The following KCNH8 variants were observed in gnomAD, a reference collection of about 807,000 sequenced individuals.
KCNH8 encodes the protein voltage-gated delayed rectifier potassium channel KCNH8.
KCNH8 carries 70 observed loss-of-function variants against 103.6 expected under a neutral mutation model. That is an observed-to-expected ratio of 0.68 (90% CI 0.56 to 0.82). KCNH8 has a LOEUF of 0.82. Among genes scored for constraint, KCNH8 ranks in the 40% least tolerant of loss-of-function variants. KCNH8 has a pLI of 0.00. For missense variants in KCNH8, 1,217 were observed against 1,329.9 expected (o/e 0.92, Z 1.32); for synonymous variants, 498 against 489.4 (o/e 1.02, Z -0.23).
At chr3:19,440,766 C>A (rs571249210) in intron 8 of KCNH8, among the ~76,000 whole-genome samples, 13 of 152,028 alleles carry the variant, frequency 8.6e-5, no homozygotes, top group African/African-American at 2.9e-4. Context: ...AAATAGTGAA[C>A]ATTTATTAGT....
intron 7 of KCNH8, among the ~76,000 whole-genome samples, chr3:19,413,045 A>C (rs973019078): frequency 6.6e-6 from 1 of 152,104 alleles, no homozygotes; most frequent in Non-Finnish European, 1.5e-5. Flanking sequence ...AATCATTTCT[A>C]TCCGAAATAC....
intron 5 of KCNH8, among the ~76,000 whole-genome samples, chr3:19,351,733 A>G (rs370479365): frequency 3.3e-5 from 5 of 152,108 alleles, no homozygotes; most frequent in Non-Finnish European, 7.4e-5. Context: ...GCTCCTGAAG[A>G]AAGCACTAAA....
intron 1 of KCNH8, among the ~76,000 whole-genome samples, chr3:19,170,104 C>T (rs193261137): frequency 9.9e-5 from 15 of 152,264 alleles, no homozygotes; most frequent in African/African-American, 2.9e-4. Context: ...GTTAATATTT[C>T]ATGCTATCAA....
At chr3:19,337,832 T>G (rs2065604331) in intron 3 of KCNH8, among the ~76,000 whole-genome samples, 1 of 152,218 alleles carries the variant, frequency 6.6e-6, no homozygotes, top group Admixed American at 6.6e-5. Flanking sequence ...TTTCTTCTTT[T>G]GAAAACTCAA....
chr3:19,256,423 A>G (rs1454743999), intron 2 of KCNH8, among the ~76,000 whole-genome samples: 1 of 152,124 alleles, frequency 6.6e-6, no homozygotes, highest in Non-Finnish European at 1.5e-5. Flanking sequence ...TAATTATACC[A>G]TAATCATTGA....
chr3:19,263,877 G>A (rs923832746), intron 2 of KCNH8, among the ~76,000 whole-genome samples: 2 of 151,972 alleles, frequency 1.3e-5, no homozygotes, highest in Non-Finnish European at 2.9e-5. Context: ...AGAGCATTTG[G>A]TTCTGAAGCT....
chr3:19,253,526 A>G (rs1469914288), intron 1 of KCNH8, 128 bp from the exon 2 acceptor site: 2 of 719,992 alleles, frequency 2.8e-6, no homozygotes, highest in Non-Finnish European at 4.8e-6. Flanking sequence ...TCTCTTTTCC[A>G]CTGCAGCACA....
intron 2 of KCNH8, among the ~76,000 whole-genome samples, chr3:19,266,085 A>G (rs1347688749): frequency 6.6e-6 from 1 of 152,090 alleles, no homozygotes; most frequent in Admixed American, 6.6e-5. Flanking sequence ...CCAAGTGTGC[A>G]TCTCCACAAA....
At chr3:19,359,332 A>G (rs1438003307) in intron 5 of KCNH8, among the ~76,000 whole-genome samples, 2 of 151,550 alleles carry the variant, frequency 1.3e-5, no homozygotes, top group Non-Finnish European at 2.9e-5. Context: ...CATAATAAAT[A>G]TATGTACTTA....
At chr3:19,240,275 T>C (rs1302893381) in intron 1 of KCNH8, among the ~76,000 whole-genome samples, 3 of 152,176 alleles carry the variant, frequency 2.0e-5, no homozygotes, top group Non-Finnish European at 4.4e-5. Context: ...ATCCAATTTC[T>C]GCTAACTCCA....
intron 11 of KCNH8, among the ~76,000 whole-genome samples, chr3:19,484,336 ACTTT>A (rs1252551328): frequency 1.3e-5 from 2 of 152,344 alleles, no homozygotes; most frequent in Admixed American, 1.3e-4. Flanking sequence ...AGATTGTTTT[ACTTT>A]CTTGTCTTAC....
At chr3:19,315,001 T>A (rs1484318188) in intron 3 of KCNH8, 1 of 152,926 alleles carries the variant, frequency 6.5e-6, no homozygotes, top group Admixed American at 6.6e-5. Flanking sequence ...AATACTTTAA[T>A]ATCAGGTCAC....
chr3:19,177,256 G>A (rs2063409584), intron 1 of KCNH8, among the ~76,000 whole-genome samples: 1 of 152,080 alleles, frequency 6.6e-6, no homozygotes, highest in African/African-American at 2.4e-5. Flanking sequence ...AGGTGGGAAT[G>A]TGTCAGGTAA....
intron 5 of KCNH8, among the ~76,000 whole-genome samples, chr3:19,381,873 G>C (rs888956824): frequency 6.6e-6 from 1 of 152,040 alleles, no homozygotes; most frequent in Non-Finnish European, 1.5e-5. Context: ...TGGATTAATA[G>C]AATCAATGGA....
intron 1 of KCNH8, among the ~76,000 whole-genome samples, chr3:19,232,812 G>T (rs909650537): frequency 6.6e-6 from 1 of 152,150 alleles, no homozygotes; most frequent in South Asian, 2.1e-4. Flanking sequence ...ATTGGCATGG[G>T]TCACGTGTAG....
chr3:19,530,559 T>C (rs11928523), intron 15 of KCNH8, among the ~76,000 whole-genome samples: 5,145 of 152,286 alleles, frequency 0.034, 290 homozygotes, highest in African/African-American at 0.12. Context: ...TTCCAGTTCT[T>C]ACCCTGAGGC....
At chr3:19,299,725 A>C (rs2065041422) in intron 3 of KCNH8, among the ~76,000 whole-genome samples, 1 of 152,058 alleles carries the variant, frequency 6.6e-6, no homozygotes, top group Non-Finnish European at 1.5e-5. Flanking sequence ...TTCTATTCTA[A>C]TATTTTCCAA....
chr3:19,348,003 A>C (rs932963260), intron 5 of KCNH8, 38 bp downstream of exon 5: 2 of 1,601,868 alleles, frequency 1.2e-6, no homozygotes, highest in African/African-American at 2.7e-5. Flanking sequence ...ATATTTGCAT[A>C]TGAGAAGTGA....
chr3:19,185,641 AAAGATGATTTAC>A (rs1196162975), intron 1 of KCNH8, among the ~76,000 whole-genome samples: 1 of 151,980 alleles, frequency 6.6e-6, no homozygotes, highest in Non-Finnish European at 1.5e-5. Flanking sequence ...GTACTGCTGT[AAAGATGATTTAC>A]AAGAGGACCA....
Sources: gnomAD v4.1 joint callset for allele counts (sites outside exome capture counted in the v4.1 genomes callset) on GRCh38, gnomAD v4.1.1 for gene constraint, MANE v1.5 for transcripts, NCBI Gene and HGNC (gene_info 2026-07-23, HGNC 2026-07-21) for gene names.